The following KLHL32 variants were observed in gnomAD, a reference collection of about 807,000 sequenced individuals.
KLHL32 encodes the protein kelch like family member 32.
Under a neutral mutation model 64.8 loss-of-function variants are expected in KLHL32, and 35 were observed. The ratio of observed to expected loss-of-function variants is 0.54; its 90% CI spans 0.41 to 0.72. The LOEUF (loss-of-function observed/expected upper bound fraction) is 0.72. Ranked by LOEUF, KLHL32 falls within the 30% of genes least tolerant of loss-of-function variation. The pLI, the probability that KLHL32 is intolerant of heterozygous loss-of-function variation, is 0.00. For synonymous variants in KLHL32, 259 were observed against 281.0 expected (o/e 0.92, Z 0.78); for missense variants, 589 against 768.5 (o/e 0.77, Z 2.76).
Position 97,084,448 on chromosome 6 carries a change from A to G in KLHL32, c.412-678A>G, listed in dbSNP as rs117882886. ...CCAAATTTGAAGCATTTCTGCAGAA[A>G]CTCTTCAAAAAGGTGGGAAGAATGG... On this transcript the variant is annotated intron_variant, in intron 5 of 10. Coordinates refer to ENST00000369261, the MANE Select transcript of KLHL32 (RefSeq NM_052904.4). Among the ~76,000 whole-genome samples, 1,323 of 152,256 alleles carry G rather than the reference A, an allele frequency of 8.7e-3. 9 individuals carry two copies. Among genetic ancestry groups the G allele is most frequent in the Middle Eastern group, 0.017 (5 of 294 alleles).
chr6:96,923,049 A>T (rs560050746), upstream of KLHL32, among the ~76,000 whole-genome samples: 1 of 152,206 alleles, frequency 6.6e-6, no homozygotes, highest in Non-Finnish European at 1.5e-5. Context: ...ACCCTGAGAC[A>T]CTCAGCTTGG....
intron 3 of KLHL32, among the ~76,000 whole-genome samples, chr6:96,998,308 G>A (rs910347227): frequency 1.3e-5 from 2 of 152,144 alleles, no homozygotes; most frequent in East Asian, 3.8e-4. Flanking sequence ...CCCTGGGCTC[G>A]ATGCTGTAAT....
At chr6:96,966,258 G>T (rs1774444583) in intron 1 of KLHL32, among the ~76,000 whole-genome samples, 1 of 152,220 alleles carries the variant, frequency 6.6e-6, no homozygotes, top group Non-Finnish European at 1.5e-5. Context: ...GTAAAGTGTA[G>T]TCATGGACCA....
At position 96,976,087 on chromosome 6, in the gene KLHL32, T is replaced by C; in HGVS notation, c.114T>C (p.Asp38=). ...CAGCGCTGAATCAGCAGAGGAGTGA[T>C]GGCATCCTCTGCGACATCACCCTGA... is the stretch of plus-strand genomic sequence containing the variant. The part of the protein sequence containing the change: ...VLAALNQQRS[D]GILCDITLIA... Residue 38 remains aspartate (D), a synonymous_variant, in exon 3 of 11, where the codon GAT becomes GAC. Coordinates refer to ENST00000369261, the MANE Select transcript of KLHL32 (RefSeq NM_052904.4). 2 of 1,609,588 alleles carry C rather than the reference T, an allele frequency of 1.2e-6. No homozygotes were observed. Among genetic ancestry groups the C allele is most frequent in the Non-Finnish European group, 1.7e-6 (2 of 1,176,780 alleles).
chr6:96,922,191 C>A (rs1768773032), upstream of KLHL32, among the ~76,000 whole-genome samples: 1 of 152,106 alleles, frequency 6.6e-6, no homozygotes, highest in Non-Finnish European at 1.5e-5. Flanking sequence ...TCCCACACTA[C>A]CACAACTGAG....
intron 4 of KLHL32, among the ~76,000 whole-genome samples, chr6:97,045,868 G>A (rs1428064547): frequency 6.6e-6 from 1 of 152,156 alleles, no homozygotes; most frequent in African/African-American, 2.4e-5. Flanking sequence ...TTGCAGAAGG[G>A]CAGCCATATC....
chr6:97,137,586 G>C (rs1016206980), intron 10 of KLHL32, among the ~76,000 whole-genome samples: 1 of 152,086 alleles, frequency 6.6e-6, no homozygotes, highest in Non-Finnish European at 1.5e-5. Context: ...CCAGGCTGGA[G>C]TGCAGTGGCG....
chr6:96,928,053 A>C (rs1246041649), intron 1 of KLHL32, among the ~76,000 whole-genome samples: 1 of 152,212 alleles, frequency 6.6e-6, no homozygotes, highest in Non-Finnish European at 1.5e-5. Flanking sequence ...CTTCTTCTCA[A>C]CTGTTACCTA....
intron 3 of KLHL32, among the ~76,000 whole-genome samples, chr6:97,010,472 C>T (rs925489333): frequency 6.6e-6 from 1 of 152,156 alleles, no homozygotes; most frequent in Non-Finnish European, 1.5e-5. Flanking sequence ...TAAATTATTA[C>T]AAAAGTTTAT....
intron 1 of KLHL32, among the ~76,000 whole-genome samples, chr6:96,952,802 A>G (rs1193847071): frequency 6.6e-6 from 1 of 152,172 alleles, no homozygotes; most frequent in Non-Finnish European, 1.5e-5. Flanking sequence ...TGTAGAACCT[A>G]AGGTTGGTCT....
rs769211441 is a variant in KLHL32, at chr6:97,130,884, G to A, written c.1541G>A (p.Arg514His). The A allele has an allele frequency of 5.6e-6, 9 of 1,613,916 alleles. No homozygotes were observed. Among genetic ancestry groups the A allele is most frequent in the East Asian group, 4.5e-5 (2 of 44,874 alleles). The change falls in exon 9 of 11, where the codon CGC becomes CAC. Residue 514 changes from arginine to histidine, a missense_variant. Transcript: ENST00000369261. The stretch of plus-strand genomic sequence containing the variant: ...TACAATAATGACCGGATCCTTGTGC[G>A]CCATATAGATTCTTACAACATAGAC... The part of the protein sequence containing the change: ...LDYNNDRILV[R>H]HIDSYNIDTD...
intron 1 of KLHL32, among the ~76,000 whole-genome samples, chr6:96,926,939 A>G (rs1769234483): frequency 6.6e-6 from 1 of 152,230 alleles, no homozygotes; most frequent in African/African-American, 2.4e-5. Flanking sequence ...TGTCTCACTC[A>G]ATTATAAGTT....
Position 96,973,730 on chromosome 6 carries a change from C to CTTTT in KLHL32, c.24-2259_24-2256dup, listed in dbSNP as rs558193523. Among the ~76,000 whole-genome samples the CTTTT allele has an allele frequency of 5.1e-5, 6 of 118,268 alleles. 1 individual carries two copies. Among genetic ancestry groups the CTTTT allele is most frequent in the Admixed American group, 1.7e-4 (2 of 11,962 alleles). The allele number at this position is 118,268 out of a possible 152,430, so 77.6% of individuals were successfully genotyped here. ...GATTTTTGAGATCTTTACAGATTGC[C>CTTTT]TTTTTTTTTTTAGACAGAGTCTCGC... On this transcript the variant is annotated intron_variant, in intron 2 of 10. Transcript: ENST00000369261.
At chr6:97,078,704 G>A (rs1260842124) in intron 5 of KLHL32, among the ~76,000 whole-genome samples, 1 of 152,150 alleles carries the variant, frequency 6.6e-6, no homozygotes, top group Non-Finnish European at 1.5e-5. Flanking sequence ...AAGAGAAATA[G>A]GTGTTTTTAA....
chr6:97,030,156 C>G (rs544747691), intron 3 of KLHL32, among the ~76,000 whole-genome samples: 1 of 152,320 alleles, frequency 6.6e-6, no homozygotes, highest in African/African-American at 2.4e-5. Flanking sequence ...AACTCCAAAG[C>G]TGCACATAGT....
intron 5 of KLHL32, among the ~76,000 whole-genome samples, chr6:97,076,559 C>T (rs1186498982): frequency 6.6e-6 from 1 of 152,116 alleles, no homozygotes; most frequent in Non-Finnish European, 1.5e-5. Context: ...AAACTAAAGA[C>T]ACCACCAGTG....
chr6:96,977,569 T>C (rs893005777), intron 3 of KLHL32, among the ~76,000 whole-genome samples: 23 of 152,336 alleles, frequency 1.5e-4, no homozygotes, highest in African/African-American at 5.3e-4. Flanking sequence ...TTAATTGTGT[T>C]GTGTTGTTTT....
At chr6:97,031,078 G>A (rs1242279848) in intron 3 of KLHL32, among the ~76,000 whole-genome samples, 2 of 152,136 alleles carry the variant, frequency 1.3e-5, no homozygotes, top group Non-Finnish European at 2.9e-5. Context: ...TTGCTGCCAA[G>A]GAGACTTTGA....
chr6:97,078,065 C>T (rs1021306266), intron 5 of KLHL32, among the ~76,000 whole-genome samples: 1 of 152,092 alleles, frequency 6.6e-6, no homozygotes, highest in Non-Finnish European at 1.5e-5. Flanking sequence ...GCTACTTGGT[C>T]CTTATAAGCA....
Sources: allele counts gnomAD v4.1 joint callset (sites outside exome capture counted in the v4.1 genomes callset), GRCh38; gene constraint gnomAD v4.1.1; transcripts MANE v1.5; gene names NCBI Gene and HGNC (gene_info 2026-07-23, HGNC 2026-07-21).